HUWE1: variants seen among roughly 807,000 people sequenced by gnomAD.
HUWE1 encodes the protein HECT, UBA and WWE domain containing E3 ubiquitin protein ligase 1, also known as E3 ubiquitin-protein ligase HUWE1.
Under a neutral mutation model 299.4 loss-of-function variants are expected in HUWE1, and 18 were observed. That is an observed-to-expected ratio of 0.06 (90% confidence interval 0.04 to 0.09). The LOEUF is 0.09. Ranked by LOEUF, HUWE1 falls within the 10% of genes least tolerant of loss-of-function variation. HUWE1 has a pLI of 1.00. For synonymous variants in HUWE1, 1,317 were observed against 1,286.1 expected, an observed-to-expected ratio of 1.02 and a Z score of -0.51; for missense variants, 1,832 against 3,462.3, an observed-to-expected ratio of 0.53 and a Z score of 11.82.
At position 53,604,704 on chromosome X, in the gene HUWE1, C is replaced by G; in HGVS notation, c.2627G>C (p.Cys876Ser). 1 of 1,211,792 alleles carries G rather than the reference C, an allele frequency of 8.3e-7. No individual in the cohort carries two copies. Among genetic ancestry groups the G allele is most frequent in the East Asian group, 3.0e-5 (1 of 33,844 alleles). The change falls in exon 26 of 84, where the codon TGC becomes TCC. Residue 876 changes from cysteine (C) to serine (S), a missense_variant. Around this residue, in one of 15 missense-constraint regions of HUWE1, gnomAD observed 658 missense variants for 1,282.6 expected, o/e 0.51. Coordinates refer to ENST00000262854, the MANE Select transcript of HUWE1 (RefSeq NM_031407.7). ...GGSVLLRELA[C>S]AGNVADATLS... ...GGTAGCATCAGCAACATTGCCTGCG[C>G]AAGCCAGTTCTCGCAACAACACTGA...
At chrX:53,630,064 T>G (rs1377378912) in intron 12 of HUWE1, among the ~76,000 whole-genome samples, 1 of 112,373 alleles carries the variant, frequency 8.9e-6, no homozygotes, top group Non-Finnish European at 1.9e-5. Context: ...AACTTCAGAA[T>G]GTGTGTAATT....
rs782381339 is a variant in HUWE1, at chrX:53,662,539, C to T, written c.-24-8408G>A. ...TCTATTATAGCACCCAGTTTATTTC[C>T]AATTTCCTTCATAACAAGTATCAAC... On this transcript the variant is annotated intron_variant, in intron 3 of 83. Coordinates refer to ENST00000262854, the MANE Select transcript of HUWE1 (RefSeq NM_031407.7). Among the ~76,000 whole-genome samples, 3 of 111,808 alleles carry T rather than the reference C, an allele frequency of 2.7e-5. No individual in the cohort carries two copies. In the South Asian group the frequency reaches 1.1e-3, roughly 42 times the overall value.
At chrX:53,594,720 G>A (rs940366860) in intron 30 of HUWE1, 99 bp from the exon 31 acceptor site, 1 of 833,907 alleles carries the variant, frequency 1.2e-6, no homozygotes, top group Non-Finnish European at 1.8e-6. Context: ...TTTACACACT[G>A]AAGTGACACC....
intron 59 of HUWE1, among the ~76,000 whole-genome samples, chrX:53,558,091 CTCTG>C (rs782479224): frequency 6.3e-5 from 7 of 111,983 alleles, no homozygotes; most frequent in Non-Finnish European, 1.3e-4. Flanking sequence ...TTTAAAAGAT[CTCTG>C]TCTGAGGTCC....
Position 53,616,908 on chromosome X carries a change from AG to A in HUWE1, c.1957+61del, listed in dbSNP as rs2065838244. ...AGTAAAACGATGAGAGAGATGATCA[AG>A]GAAGAGTTTCCTTGCAAACTAAATC... On this transcript the variant is annotated intron_variant, in intron 21 of 83. Transcript: ENST00000262854. The A allele has an allele frequency of 3.0e-6, 3 of 989,209 alleles. No homozygotes were observed. In the African/African-American group the frequency reaches 5.7e-5, roughly 19 times the overall value. 81.5% of individuals were successfully genotyped at this position (989,209 alleles called of 1,213,427 possible). A position where few individuals can be genotyped will look rare whatever the true frequency, so the allele number is the denominator to read the frequency against.
intron 3 of HUWE1, among the ~76,000 whole-genome samples, chrX:53,673,619 A>T (rs1316091544): frequency 8.9e-6 from 1 of 111,954 alleles, no homozygotes; most frequent in Non-Finnish European, 1.9e-5. Flanking sequence ...CTCATGAAAC[A>T]AAGTGTTAAG....
At chrX:53,554,579 A>T in intron 61 of HUWE1, 54 bp downstream of exon 61, 2 of 1,127,687 alleles carry the variant, frequency 1.8e-6, no homozygotes, top group Non-Finnish European at 2.4e-6. Flanking sequence ...AGCTACAAAG[A>T]CATCCTTTCT....
intron 63 of HUWE1, among the ~76,000 whole-genome samples, chrX:53,552,050 G>A (rs782455243): frequency 3.6e-5 from 4 of 111,734 alleles, no homozygotes; most frequent in Non-Finnish European, 5.6e-5. Context: ...TATCATTCAT[G>A]ATCACAGAAA....
intron 28 of HUWE1, among the ~76,000 whole-genome samples, chrX:53,600,822 C>T (rs2064786732): frequency 8.9e-6 from 1 of 112,382 alleles, no homozygotes; most frequent in Admixed American, 9.4e-5. Context: ...AACAAGTCAC[C>T]AAGTTGTTCT....
At position 53,580,885 on chromosome X, in the gene HUWE1, C is replaced by T. The variant is rs782222601; in HGVS notation, c.5662G>A (p.Val1888Met). The T allele has an allele frequency of 8.3e-7, 1 of 1,211,746 alleles. No individual in the cohort carries two copies. The highest frequency in any genetic ancestry group is 2.2e-5 in the Admixed American group (1 of 46,050). The change falls in exon 43 of 84, where the codon GTG becomes ATG. Residue 1888 changes from valine (V) to methionine (M), a missense_variant. Around this residue, in one of 15 missense-constraint regions of HUWE1, gnomAD observed 47 missense variants for 45.8 expected, o/e 1.03. Coordinates refer to ENST00000262854, the MANE Select transcript of HUWE1 (RefSeq NM_031407.7). Reference sequence around the variant, plus strand: ...GCGATGCGGATACAGCAGTTGGCCACTTCTGTGAATATGTCTGGATTGCGG... The same window carrying T: ...GCGATGCGGATACAGCAGTTGGCCATTTCTGTGAATATGTCTGGATTGCGG... Reference protein sequence around the residue: ...ACRNPDIFTEVANCCIRIALP... With the variant: ...ACRNPDIFTEMANCCIRIALP...
At chrX:53,608,813 T>C (rs782176000) in intron 24 of HUWE1, 39 bp downstream of exon 24, 21 of 835,489 alleles carry the variant, frequency 2.5e-5, no homozygotes, top group Non-Finnish European at 3.8e-5. Context: ...GAAAAGCACA[T>C]ATACATCTTT....
chrX:53,607,820 A>G, intron 24 of HUWE1, 121 bp from the exon 25 acceptor site: 1 of 496,851 alleles, frequency 2.0e-6, no homozygotes, highest in South Asian at 3.0e-5. Context: ...AGAGTATCAA[A>G]ACCTCAGATA....
chrX:53,607,444 T>C (rs782703714), intron 25 of HUWE1, 79 bp downstream of exon 25: 7 of 883,797 alleles, frequency 7.9e-6, no homozygotes, highest in South Asian at 6.8e-5. Context: ...AGGGAGACCA[T>C]AGTAAAAACA....
chrX:53,632,649 A>G, intron 8 of HUWE1, 85 bp from the exon 9 acceptor site: 1 of 702,569 alleles, frequency 1.4e-6, no homozygotes, highest in South Asian at 2.2e-5. Flanking sequence ...TCAAAGTCCT[A>G]GCCACTTGTT....
At chrX:53,579,966 AAAAAT>A (rs1206154544) in intron 43 of HUWE1, 1 of 108,585 alleles carries the variant, frequency 9.2e-6, no homozygotes, top group South Asian at 4.0e-4. Context: ...ATTAAAAAAA[AAAAAT>A]AAAATAAAAA....
intron 61 of HUWE1, 109 bp downstream of exon 61, chrX:53,554,524 G>C: frequency 1.3e-6 from 1 of 785,803 alleles, no homozygotes; most frequent in Non-Finnish European, 1.9e-6. Flanking sequence ...TATTATTTGA[G>C]AAGTTGAACT....
chrX:53,596,843 T>C (rs2064508858), intron 29 of HUWE1, among the ~76,000 whole-genome samples: 1 of 112,516 alleles, frequency 8.9e-6, no homozygotes, highest in Non-Finnish European at 1.9e-5. Context: ...AATTATTTGA[T>C]ATGGATTGCA....
chrX:53,539,129 A>G (rs372347299), intron 75 of HUWE1, 49 bp from the exon 76 acceptor site: 16 of 1,139,748 alleles, frequency 1.4e-5, no homozygotes, highest in Non-Finnish European at 1.7e-5. Flanking sequence ...GCAAACTTCA[A>G]CATGCAAACC....
chrX:53,575,654 A>G lies in HUWE1; in HGVS notation c.6019T>C (p.Phe2007Leu). The G allele has an allele frequency of 2.5e-6, 3 of 1,211,340 alleles. No homozygotes were observed. Among genetic ancestry groups the G allele is most frequent in the Non-Finnish European group, 2.2e-6 (2 of 895,020 alleles). Reference protein sequence around the residue: ...QSSDFDTQSGFSINSQVFAAD... With the variant: ...QSSDFDTQSGLSINSQVFAAD... ...TGGAATTGACTTACATTAATGGAAA[A>G]ACCTGACTGCGTATCAAAGTCACTG... is the stretch of plus-strand genomic sequence containing the variant. Residue 2007 changes from phenylalanine to leucine, a missense_variant, in exon 45 of 84, where the codon TTT becomes CTT. This residue lies in a region of HUWE1 where 157 missense variants were observed against 252.3 expected (regional missense o/e 0.62). Transcript: ENST00000262854.
Sources: gnomAD v4.1 joint callset for allele counts (sites outside exome capture counted in the v4.1 genomes callset) on GRCh38, gnomAD v4.1.1 for gene constraint, gnomAD v4.1.1 regional missense constraint, MANE v1.5 for transcripts, NCBI Gene and HGNC (gene_info 2026-07-23, HGNC 2026-07-21) for gene names.